The following PLXNA2 variants were observed in gnomAD, a reference collection of about 807,000 sequenced individuals.
The protein encoded by PLXNA2 is plexin A2, also known as plexin-A2.
In PLXNA2, 91 loss-of-function variants were observed where a neutral mutation model predicts 193.5. The ratio of observed to expected loss-of-function variants is 0.47; its 90% CI spans 0.40 to 0.56. The LOEUF (loss-of-function observed/expected upper bound fraction) is 0.56, where lower values mean the gene tolerates loss of function less well. PLXNA2 is among the 20% of genes least tolerant of loss of function. The pLI is 0.00. For synonymous variants in PLXNA2, 997 were observed against 1,027.3 expected, an observed-to-expected ratio of 0.97 and a Z score of 0.56; for missense variants, 1,995 against 2,503.2, an observed-to-expected ratio of 0.80 and a Z score of 4.33.
intron 3 of PLXNA2, among the ~76,000 whole-genome samples, chr1:208,189,149 C>G (rs1482326591): frequency 6.6e-6 from 1 of 152,166 alleles, no homozygotes; most frequent in Non-Finnish European, 1.5e-5. Flanking sequence ...GCCTTAAGAT[C>G]CTGAATGATT....
At chr1:208,065,344 C>A (rs1351252021) in intron 12 of PLXNA2, among the ~76,000 whole-genome samples, 1 of 152,126 alleles carries the variant, frequency 6.6e-6, no homozygotes, top group Non-Finnish European at 1.5e-5. Context: ...ATCAGACAGA[C>A]CTGAATTTAA....
At chr1:208,087,300 AACAC>A (rs546129552) in intron 9 of PLXNA2, among the ~76,000 whole-genome samples, 1 of 151,824 alleles carries the variant, frequency 6.6e-6, no homozygotes, top group Non-Finnish European at 1.5e-5. Context: ...ATCTATATGT[AACAC>A]ACACACACAC....
In PLXNA2 at chr1:208,046,405, C is replaced by T. The variant is rs538505364; in HGVS notation, c.3256-288G>A. On this transcript the variant is annotated intron_variant, in intron 17 of 31. Coordinates refer to ENST00000367033, the MANE Select transcript of PLXNA2 (RefSeq NM_025179.4). ...GGGGCTATAGAGCGGCAGACACAGT[C>T]TGGAGGGAAGACAAAGAAGCATTAC... is the stretch of plus-strand genomic sequence containing the variant. Among the ~76,000 whole-genome samples the T allele has an allele frequency of 2.3e-4, 35 of 152,200 alleles. 1 individual carries two copies. In the South Asian group the frequency reaches 7.3e-3, roughly 32 times the overall value.
chr1:208,096,902 G>A lies in PLXNA2; in HGVS notation c.1732-19C>T. ...GGCTAAGCTGTGGGAGGAGCAAAGA[G>A]ATGATGCCAAAGAAATGCCTCAGGA... On this transcript the variant is annotated intron_variant, in intron 6 of 31. Coordinates refer to ENST00000367033, the MANE Select transcript of PLXNA2 (RefSeq NM_025179.4). 6.2e-7 allele frequency: 1 copy of A among 1,606,692 alleles called. No homozygotes were observed. Among genetic ancestry groups the A allele is most frequent in the East Asian group, 2.2e-5 (1 of 44,722 alleles).
At chr1:208,207,691 T>C (rs1397730861) in intron 3 of PLXNA2, among the ~76,000 whole-genome samples, 1 of 152,140 alleles carries the variant, frequency 6.6e-6, no homozygotes. Context: ...CATAGTAGGG[T>C]TTCCTGGGGA....
At chr1:208,033,559 G>T in intron 27 of PLXNA2, 50 bp from the exon 28 acceptor site, 1 of 1,464,012 alleles carries the variant, frequency 6.8e-7, no homozygotes, top group Non-Finnish European at 9.3e-7. Context: ...CACCAGCCTT[G>T]CTTGTAGAAT....
At position 208,082,263 on chromosome 1, in the gene PLXNA2, A is replaced by G. The variant is rs1300955518; in HGVS notation, c.2395+149T>C. On this transcript the variant is annotated intron_variant, in intron 11 of 31. Transcript: ENST00000367033. This position sits in a 1 kb window ranked among gnomAD's most constrained non-coding sequence, Gnocchi z 4.2. ...CAACAGGACTCCTTTGATGACTCCA[A>G]ATGTTGCTTTAGGATCCTCTGAAGA... 1.7e-5 allele frequency: 11 copies of G among 666,172 alleles called. No individual in the cohort carries two copies. In the East Asian group the frequency reaches 3.1e-4, roughly 19 times the overall value. 41.3% of individuals were successfully genotyped at this position (666,172 alleles called of 1,614,324 possible). A position where few individuals can be genotyped will look rare whatever the true frequency, so the allele number is the denominator to read the frequency against.
intron 22 of PLXNA2, 52 bp from the exon 23 acceptor site, chr1:208,040,110 G>C (rs772634329): frequency 3.4e-6 from 5 of 1,458,130 alleles, no homozygotes; most frequent in East Asian, 4.5e-5. Flanking sequence ...GGGTCTCCGT[G>C]GTGGGGCCTG....
chr1:208,057,423 T>C (rs1323525984), intron 13 of PLXNA2, among the ~76,000 whole-genome samples: 2 of 152,166 alleles, frequency 1.3e-5, no homozygotes, highest in Non-Finnish European at 2.9e-5. Flanking sequence ...AGTATGGATA[T>C]GGCAGCAATG....
Position 208,044,980 on chromosome 1 carries a change from C to A in PLXNA2, c.3639+87G>T. 1 of 1,507,634 alleles carries A rather than the reference C, an allele frequency of 6.6e-7. No homozygotes were observed. The highest frequency in any genetic ancestry group is 9.2e-7 in the Non-Finnish European group (1 of 1,091,602). 93.4% of individuals were successfully genotyped at this position (1,507,634 alleles called of 1,614,324 possible). The stretch of plus-strand genomic sequence containing the variant: ...GATATGGAGGGGGTGAGTCAGGCAA[C>A]GAGACAGAAGAGAGCCTTTCCTTAG... On this transcript the variant is annotated intron_variant, in intron 19 of 31. Coordinates refer to ENST00000367033, the MANE Select transcript of PLXNA2 (RefSeq NM_025179.4). This position sits in a 1 kb window ranked among gnomAD's most constrained non-coding sequence, Gnocchi z 4.9.
intron 13 of PLXNA2, among the ~76,000 whole-genome samples, chr1:208,058,973 C>G (rs1043017754): frequency 6.6e-5 from 10 of 152,138 alleles, no homozygotes; most frequent in African/African-American, 2.4e-4. Flanking sequence ...GCCAGTTGCC[C>G]AGGAATTTGC....
chr1:208,241,111 G>T (rs555343124), intron 1 of PLXNA2, among the ~76,000 whole-genome samples: 1 of 152,292 alleles, frequency 6.6e-6, no homozygotes, highest in Admixed American at 6.5e-5. Context: ...TTCCCCTCCT[G>T]TTCCTATGTT....
chr1:208,230,210 G>C (rs765632873), intron 1 of PLXNA2: 3 of 152,168 alleles, frequency 2.0e-5, no homozygotes, highest in Non-Finnish European at 2.9e-5. Context: ...AAACTCCGAG[G>C]GTTCTGTTTT....
At position 208,217,910 on chromosome 1, in the gene PLXNA2, G is replaced by C. The variant is rs755693386; in HGVS notation, c.13C>G (p.Arg5Gly). The change falls in exon 2 of 32, where the codon CGG becomes GGG. Residue 5 changes from arginine (R) to glycine (G), a missense_variant. Arg to Gly is a moderately radical substitution (Grantham distance 125). Transcript: ENST00000367033. This position sits in a 1 kb window ranked among gnomAD's most constrained non-coding sequence, Gnocchi z 4.7. MEQR[R>G]PWPRALEVDS... ...ACCTCCAGGGCCCGGGGCCAGGGCC[G>C]CCTCTGTTCCATGCTGAGAGGGGCG... The C allele has an allele frequency of 1.2e-6, 2 of 1,609,584 alleles. No individual in the cohort carries two copies. The highest frequency in any genetic ancestry group is 1.7e-6 in the Non-Finnish European group (2 of 1,179,890).
Position 208,217,786 on chromosome 1 carries a change from C to G in PLXNA2, c.137G>C (p.Arg46Pro). ...PQFSTFHSENRDWTFNHLTVH... is the reference protein window; with the variant it reads ...PQFSTFHSENPDWTFNHLTVH... The stretch of plus-strand genomic sequence containing the variant: ...GGTCAAGTGGTTGAAGGTCCAGTCA[C>G]GATTCTCAGAGTGGAAGGTGCTGAA... Residue 46 changes from arginine to proline, a missense_variant, in exon 2 of 32, where the codon CGT becomes CCT. By Grantham distance (103) the Arg-to-Pro change is moderately radical. Transcript: ENST00000367033. The surrounding 1 kb of genome is among the most constrained non-coding windows in gnomAD (Gnocchi z 4.7). The G allele has an allele frequency of 6.2e-7, 1 of 1,614,156 alleles. No individual in the cohort carries two copies. Among genetic ancestry groups the G allele is most frequent in the Non-Finnish European group, 8.5e-7 (1 of 1,180,020 alleles).
intron 3 of PLXNA2, among the ~76,000 whole-genome samples, chr1:208,163,795 C>T (rs974051677): frequency 6.6e-6 from 1 of 152,204 alleles, no homozygotes; most frequent in Admixed American, 6.5e-5. Context: ...TTTCTCCCAA[C>T]CATCCTTTGT....
chr1:208,030,611 G>A (rs1350281669), intron 29 of PLXNA2: 12 of 985,328 alleles, frequency 1.2e-5, no homozygotes, highest in Non-Finnish European at 1.3e-5. Context: ...AGGAAGAGAT[G>A]GGGCTGGGGT....
chr1:208,191,238 T>G (rs189049835), intron 3 of PLXNA2, among the ~76,000 whole-genome samples: 40 of 152,330 alleles, frequency 2.6e-4, no homozygotes, highest in African/African-American at 8.9e-4. Flanking sequence ...AGCACACATC[T>G]GCAAGCGCCT....
intron 3 of PLXNA2, among the ~76,000 whole-genome samples, chr1:208,158,880 C>T (rs1286943103): frequency 2.6e-5 from 4 of 152,202 alleles, no homozygotes; most frequent in African/African-American, 9.7e-5. Context: ...CTTTTCTTGG[C>T]TTTCAAGATC....
Sources: allele counts gnomAD v4.1 joint callset (sites outside exome capture counted in the v4.1 genomes callset), GRCh38; gene constraint gnomAD v4.1.1; non-coding constraint Gnocchi (gnomAD v3.1); transcripts MANE v1.5; gene names NCBI Gene and HGNC (gene_info 2026-07-23, HGNC 2026-07-21).